The following ETFBKMT variants were observed in gnomAD, a reference collection of about 807,000 sequenced individuals.
ETFBKMT encodes electron transfer flavoprotein beta subunit lysine methyltransferase.
A neutral mutation model predicts 18.3 loss-of-function variants in ETFBKMT; 13 were observed. That is an observed-to-expected ratio of 0.71 (90% CI 0.46 to 1.13). The LOEUF is 1.13. Among genes scored for constraint, ETFBKMT ranks in the 50% most tolerant of loss-of-function variants. The pLI, the probability that ETFBKMT is intolerant of heterozygous loss-of-function variation, is 0.00. For missense variants in ETFBKMT, 293 were observed against 306.2 expected, an observed-to-expected ratio of 0.96 and a Z score of 0.32; for synonymous variants, 84 against 107.9, an observed-to-expected ratio of 0.78 and a Z score of 1.37.
At chr12:31,665,064 G>A (rs1358127141) in intron 2 of ETFBKMT, among the ~76,000 whole-genome samples, 5 of 150,470 alleles carry the variant, frequency 3.3e-5, no homozygotes, top group Non-Finnish European at 7.4e-5. Context: ...AGCCTCCCGA[G>A]TAGCTGGGAT....
At chr12:31,661,746 A>G (rs1951126836) in intron 1 of ETFBKMT, 95 bp from the exon 2 acceptor site, 1 of 535,766 alleles carries the variant, frequency 1.9e-6, no homozygotes, top group Non-Finnish European at 3.3e-6. Context: ...GGCGTGAGCC[A>G]CCGCGCCCGG....
At chr12:31,666,059 T>G (rs374464830) in intron 2 of ETFBKMT, 28 bp from the exon 3 acceptor site, 92 of 1,598,730 alleles carry the variant, frequency 5.8e-5, no homozygotes, top group Non-Finnish European at 2.9e-5. Flanking sequence ...CTCATCTCTC[T>G]GAGACATGTT....
At chr12:31,664,994 T>A (rs1951175989) in intron 2 of ETFBKMT, among the ~76,000 whole-genome samples, 1 of 148,330 alleles carries the variant, frequency 6.7e-6, no homozygotes, top group South Asian at 2.1e-4. Context: ...TGGAGTGCAA[T>A]GGCTTGATCT....
intron 3 of ETFBKMT, among the ~76,000 whole-genome samples, chr12:31,666,998 T>C (rs1951204575): frequency 6.9e-6 from 1 of 145,780 alleles, no homozygotes; most frequent in African/African-American, 2.7e-5. Flanking sequence ...TCTTTTTTTT[T>C]CTTTTTTTTT....
At chr12:31,649,043 A>G (rs943512283) in intron 1 of ETFBKMT, among the ~76,000 whole-genome samples, 7 of 150,724 alleles carry the variant, frequency 4.6e-5, no homozygotes, top group African/African-American at 1.5e-4. Context: ...AGTGGCGTGC[A>G]ATTGGCTCAT....
chr12:31,671,626 C>T lies in ETFBKMT; in HGVS notation c.*3636C>T, dbSNP rs1471952008. On this transcript the variant is annotated 3_prime_UTR_variant, in exon 4 of 4. Transcript: ENST00000357721. ...ACTCATTTTTACACATTTTTGAATGCAATTTTGCTAAGGAAGGAAAGCTTA... is the reference window on the plus strand; with the variant it reads ...ACTCATTTTTACACATTTTTGAATGTAATTTTGCTAAGGAAGGAAAGCTTA... 1.3e-5 allele frequency: 2 copies of T among 152,042 alleles called. No individual in the cohort carries two copies. The highest frequency in any genetic ancestry group is 2.9e-5 in the Non-Finnish European group (2 of 68,012). The allele number at this position is 152,042 out of a possible 1,614,324, so 9.4% of individuals were successfully genotyped here.
chr12:31,653,305 G>A (rs138786287), intron 1 of ETFBKMT, among the ~76,000 whole-genome samples: 3,412 of 151,534 alleles, frequency 0.023, 45 homozygotes, highest in Middle Eastern at 0.037. Context: ...TTTTGTTTTT[G>A]CTTTTACTGT....
At chr12:31,656,274 C>G (rs956825764), upstream of ETFBKMT, among the ~76,000 whole-genome samples, 2 of 151,984 alleles carry the variant, frequency 1.3e-5, no homozygotes, top group Non-Finnish European at 2.9e-5. Context: ...TTCTGAAGGA[C>G]GAGTAGGTGG....
Position 31,672,896 on chromosome 12 carries a change from T to C in ETFBKMT, c.*4906T>C, listed in dbSNP as rs1951312055. ...TCACCGAACGTGACAAGTTGACCTG[T>C]AGCTGAACATTTTTCCATGTCTGTA... is the stretch of plus-strand genomic sequence containing the variant. On this transcript the variant is annotated 3_prime_UTR_variant, in exon 4 of 4. Transcript: ENST00000357721. 6.5e-6 allele frequency: 1 copy of C among 154,062 alleles called. No individual in the cohort carries two copies. Among genetic ancestry groups the C allele is most frequent in the Non-Finnish European group, 1.4e-5 (1 of 69,284 alleles). 9.5% of individuals were successfully genotyped at this position (154,062 alleles called of 1,614,324 possible).
rs998893950 is a variant in ETFBKMT at position 31,668,406 on chromosome 12, T to A, written c.*416T>A. 3 of 152,550 alleles carry A rather than the reference T, an allele frequency of 2.0e-5. No individual in the cohort carries two copies. Among genetic ancestry groups the A allele is most frequent in the African/African-American group, 7.2e-5 (3 of 41,398 alleles). The allele number at this position is 152,550 out of a possible 1,614,324, so 9.4% of individuals were successfully genotyped here. On this transcript the variant is annotated 3_prime_UTR_variant, in exon 4 of 4. Transcript: ENST00000357721. ...GACTATATATATATTTTTTCTTTTT[T>A]TAGAGACAGTCTCACTTTGCTCCCA...
At position 31,670,201 on chromosome 12, in the gene ETFBKMT, G is replaced by A. The variant is rs1951249439; in HGVS notation, c.*2211G>A. Reference sequence around the variant, plus strand: ...CCACATGGAGCCTCCAGCAACTCAGGAATTACAGCATAAATGTTCCTATTG... The same window carrying A: ...CCACATGGAGCCTCCAGCAACTCAGAAATTACAGCATAAATGTTCCTATTG... On this transcript the variant is annotated 3_prime_UTR_variant, in exon 4 of 4. Coordinates refer to ENST00000357721, the MANE Select transcript of ETFBKMT (RefSeq NM_001135863.2). The A allele has an allele frequency of 6.6e-6, 1 of 152,154 alleles. No individual in the cohort carries two copies. The highest frequency in any genetic ancestry group is 1.5e-5 in the Non-Finnish European group (1 of 68,054). 9.4% of individuals were successfully genotyped at this position (152,154 alleles called of 1,614,324 possible).
intron 1 of ETFBKMT, among the ~76,000 whole-genome samples, chr12:31,650,009 C>T (rs1951002353): frequency 6.6e-6 from 1 of 151,612 alleles, no homozygotes. Flanking sequence ...CACCTGCCTC[C>T]CAAAGTGCTG....
At chr12:31,659,215 C>T (rs111811843), upstream of ETFBKMT, 6,587 of 152,330 alleles carry the variant, frequency 0.043, 172 homozygotes, top group South Asian at 0.07. Context: ...CCGTCCCGCC[C>T]CCTGCCGGGC....
chr12:31,651,520 G>A (rs1435700476), intron 1 of ETFBKMT, among the ~76,000 whole-genome samples: 2 of 151,962 alleles, frequency 1.3e-5, no homozygotes, highest in Non-Finnish European at 2.9e-5. Context: ...AGTAGAGACG[G>A]GGTTTTACCA....
At chr12:31,665,339 T>C (rs1175966445) in intron 2 of ETFBKMT, among the ~76,000 whole-genome samples, 1 of 152,202 alleles carries the variant, frequency 6.6e-6, no homozygotes, top group Non-Finnish European at 1.5e-5. Context: ...GACTAGGTCC[T>C]TTCTTCTGCC....
chr12:31,660,024 G>A, intron 1 of ETFBKMT: 1 of 150,766 alleles, frequency 6.6e-6, no homozygotes, highest in Non-Finnish European at 1.5e-5. Context: ...AAAATTAGCC[G>A]GGCGTGGTGG....
At position 31,667,729 on chromosome 12, in the gene ETFBKMT, G is replaced by C; in HGVS notation, c.528G>C (p.Leu176Phe). 6.2e-7 allele frequency: 1 copy of C among 1,613,620 alleles called. No individual in the cohort carries two copies. Among genetic ancestry groups the C allele is most frequent in the Non-Finnish European group, 8.5e-7 (1 of 1,179,882 alleles). ...TTTTAATCCAAAACATTTTGAATTT[G>C]GAACAAGATAAGTGGGACCTTGTTG... is the stretch of plus-strand genomic sequence containing the variant. ...FPILIQNILNLEQDKWDLVVL... is the reference protein window; with the variant it reads ...FPILIQNILNFEQDKWDLVVL... Residue 176 changes from leucine to phenylalanine, a missense_variant, in exon 4 of 4, where the codon TTG (leucine) becomes TTC (phenylalanine). Leu to Phe is a conservative substitution (Grantham distance 22). Coordinates refer to ENST00000357721, the MANE Select transcript of ETFBKMT (RefSeq NM_001135863.2).
intron 3 of ETFBKMT, 75 bp downstream of exon 3, chr12:31,666,292 G>A: frequency 6.9e-7 from 1 of 1,439,646 alleles, no homozygotes; most frequent in Non-Finnish European, 9.4e-7. Flanking sequence ...CACATGCTCA[G>A]TGTGGTAGCT....
At chr12:31,664,943 T>C (rs984863350) in intron 2 of ETFBKMT, among the ~76,000 whole-genome samples, 199 of 148,222 alleles carry the variant, frequency 1.3e-3, no homozygotes, top group Middle Eastern at 6.9e-3. Context: ...TTCTTTCTTT[T>C]TTTTTTTTTT....
Sources: allele counts gnomAD v4.1 joint callset (sites outside exome capture counted in the v4.1 genomes callset), GRCh38; gene constraint gnomAD v4.1.1; transcripts MANE v1.5; gene names NCBI Gene and HGNC (gene_info 2026-07-23, HGNC 2026-07-21).